The following CLCN1 variants were observed in gnomAD, a reference collection of about 807,000 sequenced individuals.
CLCN1 encodes chloride voltage-gated channel 1.
A neutral mutation model predicts 114.5 loss-of-function variants in CLCN1; 100 were observed. The observed-to-expected ratio is 0.87, with a 90% confidence interval of 0.74 to 1.03. The LOEUF (loss-of-function observed/expected upper bound fraction) is 1.03. Ranked by LOEUF, CLCN1 falls within the 50% of genes least tolerant of loss-of-function variation. CLCN1 has a pLI of 0.00. For synonymous variants in CLCN1, 485 were observed against 487.1 expected, an observed-to-expected ratio of 1.00 and a Z score of 0.06; for missense variants, 1,188 against 1,250.0, an observed-to-expected ratio of 0.95 and a Z score of 0.75.
chr7:143,349,148 C>T (rs1192928268), intron 20 of CLCN1, among the ~76,000 whole-genome samples: 1 of 152,162 alleles, frequency 6.6e-6, no homozygotes, highest in Non-Finnish European at 1.5e-5. Flanking sequence ...ATAGAAAAGA[C>T]CAAGAGGACG....
In CLCN1 at chr7:143,346,154, T is replaced by C; in HGVS notation, c.2187T>C (p.Leu729=). Residue 729 remains leucine, a synonymous_variant, in exon 18 of 23, where the codon CTT becomes CTC. Transcript: ENST00000343257. ...CTTCCTTACAGCTTCCTCCTTCCCT[T>C]GCTCTCCACCCCTCTACTACTGCCC... is the stretch of plus-strand genomic sequence containing the variant. ...LSGKSELPPS[L]ALHPSTTAPL... is the part of the protein sequence containing the mutation. The C allele has an allele frequency of 6.2e-7, 1 of 1,610,050 alleles. No homozygotes were observed. The highest frequency in any genetic ancestry group is 1.1e-5 in the South Asian group (1 of 90,980).
chr7:143,329,006 C>A (rs1187920459), intron 7 of CLCN1, among the ~76,000 whole-genome samples: 1 of 145,408 alleles, frequency 6.9e-6, no homozygotes, highest in African/African-American at 2.5e-5. Flanking sequence ...CTTGCTCTGT[C>A]ACCCAGGCTG....
intron 6 of CLCN1, chr7:143,323,682 T>C (rs1802507219): frequency 1.7e-6 from 1 of 581,050 alleles, no homozygotes; most frequent in African/African-American, 1.8e-5. Flanking sequence ...CCACCCCCTC[T>C]GTGTTAGTTT....
At chr7:143,323,675 C>T in intron 6 of CLCN1, 2 of 592,600 alleles carry the variant, frequency 3.4e-6, no homozygotes, top group East Asian at 4.0e-5. Flanking sequence ...GTCCATACCA[C>T]CCCCTCTGTG....
chr7:143,342,325 G>C, intron 15 of CLCN1, 47 bp from the exon 16 acceptor site: 1 of 1,610,748 alleles, frequency 6.2e-7, no homozygotes, highest in East Asian at 2.2e-5. Context: ...GAATGGAAGG[G>C]ATAGGTATAC....
chr7:143,340,523 T>TCTTCTC (rs972222253), intron 14 of CLCN1, among the ~76,000 whole-genome samples: 2 of 152,086 alleles, frequency 1.3e-5, no homozygotes, highest in Admixed American at 6.6e-5. Flanking sequence ...TTCTTTTCTC[T>TCTTCTC]CTTCTCCTTC....
chr7:143,332,490 T>A lies in CLCN1; in HGVS notation c.1238T>A (p.Phe413Tyr). The change falls in exon 11 of 23, where the codon TTC (phenylalanine) becomes TAC (tyrosine). Residue 413 changes from phenylalanine to tyrosine, a missense_variant. Coordinates refer to ENST00000343257, the MANE Select transcript of CLCN1 (RefSeq NM_000083.3). Reference sequence around the variant, plus strand: ...ACCTTCCCACCAGGAATGGGTCAATTCATGGCTGGAGAGGTCAGCTGTTGG... The same window carrying A: ...ACCTTCCCACCAGGAATGGGTCAATACATGGCTGGAGAGGTCAGCTGTTGG... The part of the protein sequence containing the change: ...SFTFPPGMGQ[F>Y]MAGELMPREA... The A allele has an allele frequency of 6.2e-7, 1 of 1,613,876 alleles. No individual in the cohort carries two copies. The highest frequency in any genetic ancestry group is 1.7e-5 in the Admixed American group (1 of 60,024).
Position 143,352,076 on chromosome 7 carries a change from C to T in CLCN1, c.*111C>T, listed in dbSNP as rs1236276227. 1 of 1,369,428 alleles carries T rather than the reference C, an allele frequency of 7.3e-7. No homozygotes were observed. Among genetic ancestry groups the T allele is most frequent in the East Asian group, 2.3e-5 (1 of 43,462 alleles). 84.8% of individuals were successfully genotyped at this position (1,369,428 alleles called of 1,614,324 possible). On this transcript the variant is annotated 3_prime_UTR_variant, in exon 23 of 23. Transcript: ENST00000343257. ...GGCGAGGTCATGCCAATGTCGTGGC[C>T]TCTTCCAGGAATTTTTTAATGTGAT...
In CLCN1 at chr7:143,321,556, C is replaced by A; in HGVS notation, c.562+63C>A. On this transcript the variant is annotated intron_variant, in intron 4 of 22. Transcript: ENST00000343257. This position sits in a 1 kb window ranked among gnomAD's most constrained non-coding sequence, Gnocchi z 4.2. ...GCCTGAGAGGGGCCCTGTCTGTCTCCCCCATCATCCAGCCCCACCCACAGC... is the reference window on the plus strand; with the variant it reads ...GCCTGAGAGGGGCCCTGTCTGTCTCACCCATCATCCAGCCCCACCCACAGC... The A allele has an allele frequency of 1.2e-6, 2 of 1,612,006 alleles. No homozygotes were observed. The highest frequency in any genetic ancestry group is 1.7e-6 in the Non-Finnish European group (2 of 1,179,052).
At chr7:143,345,794 A>G (rs1391433385) in intron 17 of CLCN1, 32 bp downstream of exon 17, 1 of 1,602,510 alleles carries the variant, frequency 6.2e-7, no homozygotes, top group Admixed American at 1.7e-5. Context: ...AGGGAGTGGG[A>G]TAGATCAGGA....
At chr7:143,348,283 C>G (rs937084716) in intron 20 of CLCN1, among the ~76,000 whole-genome samples, 1 of 152,034 alleles carries the variant, frequency 6.6e-6, no homozygotes, top group African/African-American at 2.4e-5. Flanking sequence ...TGCCCACAAG[C>G]AGGAATCAGA....
intron 1 of CLCN1, among the ~76,000 whole-genome samples, chr7:143,317,244 C>CTTTTTTTT (rs1207676166): frequency 8.8e-6 from 1 of 113,764 alleles, no homozygotes. Flanking sequence ...TTGGCCAGAA[C>CTTTTTTTT]TTTTTTTTTT....
chr7:143,342,277 AT>A, intron 15 of CLCN1, 94 bp from the exon 16 acceptor site: 1 of 1,515,108 alleles, frequency 6.6e-7, no homozygotes, highest in South Asian at 1.1e-5. Flanking sequence ...CCTAGTAGAT[AT>A]TGTGAGTGAC....
At chr7:143,319,966 TC>T (rs760629178) in intron 2 of CLCN1, 91 bp downstream of exon 2, 39 of 1,338,532 alleles carry the variant, frequency 2.9e-5, no homozygotes, top group Non-Finnish European at 3.9e-5. Flanking sequence ...ACGTACGTAC[TC>T]CCTGCCCTGC....
chr7:143,346,363 G>A, intron 18 of CLCN1, 112 bp downstream of exon 18: 1 of 786,382 alleles, frequency 1.3e-6, no homozygotes, highest in South Asian at 1.5e-5. Context: ...TGGGGGGTGA[G>A]GCTGGGGGAT....
chr7:143,350,768 C>G lies in CLCN1; in HGVS notation c.2595+114C>G. 1 of 744,806 alleles carries G rather than the reference C, an allele frequency of 1.3e-6. No individual in the cohort carries two copies. The highest frequency in any genetic ancestry group is 2.3e-6 in the Non-Finnish European group (1 of 439,990). 46.1% of individuals were successfully genotyped at this position (744,806 alleles called of 1,614,324 possible). On this transcript the variant is annotated intron_variant, in intron 22 of 22. Transcript: ENST00000343257. This position sits in a 1 kb window ranked among gnomAD's most constrained non-coding sequence, Gnocchi z 5.1. ...CTCAGAAGTCCCCTCAGATTCCCTT[C>G]TCTATTTCTTTCTTTTTTTTTTTTT...
intron 1 of CLCN1, among the ~76,000 whole-genome samples, chr7:143,319,088 A>C (rs1390889091): frequency 6.6e-6 from 1 of 152,064 alleles, no homozygotes; most frequent in African/African-American, 2.4e-5. Context: ...GGGCCACCAG[A>C]CCTGGGGGAG....
chr7:143,319,428 C>T (rs185473994), intron 1 of CLCN1, among the ~76,000 whole-genome samples: 2 of 152,298 alleles, frequency 1.3e-5, no homozygotes, highest in South Asian at 2.1e-4. Context: ...ATTGATATGG[C>T]CACCTGGGTT....
At chr7:143,326,137 C>T (rs1467461908) in intron 7 of CLCN1, among the ~76,000 whole-genome samples, 1 of 152,094 alleles carries the variant, frequency 6.6e-6, no homozygotes, top group Non-Finnish European at 1.5e-5. Context: ...ATGCCTCAGT[C>T]TCCCAAGTAG....
Sources: gnomAD v4.1 joint callset for allele counts (sites outside exome capture counted in the v4.1 genomes callset) on GRCh38, gnomAD v4.1.1 for gene constraint, Gnocchi (gnomAD v3.1) non-coding constraint, MANE v1.5 for transcripts, NCBI Gene and HGNC (gene_info 2026-07-23, HGNC 2026-07-21) for gene names.